SEMA3E: variants seen among roughly 807,000 people sequenced by gnomAD.
SEMA3E encodes the protein semaphorin 3E, also known as semaphorin-3E.
A neutral mutation model predicts 93.6 loss-of-function variants in SEMA3E; 49 were observed. The observed-to-expected ratio is 0.52, with a 90% CI of 0.42 to 0.66. The LOEUF (loss-of-function observed/expected upper bound fraction) is 0.66, where lower values mean the gene tolerates loss of function less well. Among genes scored for constraint, SEMA3E ranks in the 30% least tolerant of loss-of-function variants. SEMA3E has a pLI of 0.00. For missense variants in SEMA3E, 906 were observed against 964.8 expected (o/e 0.94, Z 0.81); for synonymous variants, 363 against 330.7 (o/e 1.10, Z -1.06).
chr7:83,399,512 T>C (rs957974421), intron 11 of SEMA3E, among the ~76,000 whole-genome samples: 1 of 152,176 alleles, frequency 6.6e-6, no homozygotes, highest in East Asian at 1.9e-4. Context: ...AGTTCCAAGT[T>C]GTTCACAAAA....
At chr7:83,556,287 C>T (rs971197127) in intron 1 of SEMA3E, among the ~76,000 whole-genome samples, 11 of 152,106 alleles carry the variant, frequency 7.2e-5, no homozygotes, top group African/African-American at 2.2e-4. Flanking sequence ...AGGTTGCCAA[C>T]GACTTTGCAT....
chr7:83,433,881 TGATAA>T (rs1211023896), intron 4 of SEMA3E, among the ~76,000 whole-genome samples: 1 of 152,116 alleles, frequency 6.6e-6, no homozygotes, highest in Admixed American at 6.5e-5. Context: ...CACCTTTCAC[TGATAA>T]AATATACGAT....
intron 5 of SEMA3E, among the ~76,000 whole-genome samples, chr7:83,411,706 T>C (rs1788442141): frequency 6.6e-6 from 1 of 152,134 alleles, no homozygotes; most frequent in Admixed American, 6.5e-5. Flanking sequence ...TATAACTATT[T>C]GGTATCAGAA....
intron 4 of SEMA3E, among the ~76,000 whole-genome samples, chr7:83,458,931 GTA>G (rs1243050560): frequency 3.0e-5 from 4 of 133,456 alleles, no homozygotes; most frequent in African/African-American, 1.1e-4. Context: ...ATGTATATAT[GTA>G]TATATATACA....
Position 83,423,731 on chromosome 7 carries a change from C to A in SEMA3E, c.457-5248G>T, listed in dbSNP as rs919664338. On this transcript the variant is annotated intron_variant, in intron 4 of 16. Coordinates refer to ENST00000643230, the MANE Select transcript of SEMA3E (RefSeq NM_012431.3). Reference sequence around the variant, plus strand: ...TTTCACCATGTTAGCCAGGATGGTCCCGATCTCCTGACCTCGTGATCCCCC... The same window carrying A: ...TTTCACCATGTTAGCCAGGATGGTCACGATCTCCTGACCTCGTGATCCCCC... 2.6e-5 allele frequency among the ~76,000 whole-genome samples: 4 copies of A among 151,324 alleles called. No individual in the cohort carries two copies. The East Asian group carries it at 7.8e-4, about 30-fold the overall frequency.
In SEMA3E at chr7:83,594,954, GA is replaced by G. The variant is rs375713003; in HGVS notation, c.115+53473del. ...GCTGAGTTTTCCAGAGAACTTCTGG[GA>G]AAAAAAAAAAAAAGCTCCCTGTTTT... On this transcript the variant is annotated intron_variant, in intron 1 of 16. Coordinates refer to ENST00000643230, the MANE Select transcript of SEMA3E (RefSeq NM_012431.3). Among the ~76,000 whole-genome samples the G allele has an allele frequency of 3.8e-3, 525 of 138,778 alleles. 2 individuals are homozygous for G. Among genetic ancestry groups the G allele is most frequent in the East Asian group, 9.5e-3 (44 of 4,632 alleles). The allele number at this position is 138,778 out of a possible 152,430, so 91.0% of individuals were successfully genotyped here.
chr7:83,526,911 T>C (rs373750343), intron 1 of SEMA3E, among the ~76,000 whole-genome samples: 116 of 152,262 alleles, frequency 7.6e-4, no homozygotes, highest in Middle Eastern at 6.8e-3. Context: ...CATGTCCCTG[T>C]TGGAGGTTAA....
At chr7:83,462,644 C>T (rs571932334) in intron 4 of SEMA3E, among the ~76,000 whole-genome samples, 2 of 151,900 alleles carry the variant, frequency 1.3e-5, no homozygotes, top group Non-Finnish European at 2.9e-5. Context: ...CCCCACTCAA[C>T]GCCAATATCC....
intron 1 of SEMA3E, among the ~76,000 whole-genome samples, chr7:83,643,785 T>C (rs1485863014): frequency 2.0e-5 from 3 of 151,978 alleles, no homozygotes; most frequent in African/African-American, 7.2e-5. Context: ...TCTTAATAAA[T>C]CCACCACTTA....
At chr7:83,462,872 A>G (rs1166520322) in intron 4 of SEMA3E, among the ~76,000 whole-genome samples, 2 of 130,900 alleles carry the variant, frequency 1.5e-5, no homozygotes, top group African/African-American at 5.4e-5. Flanking sequence ...CCTATCCTCA[A>G]TACCTGCCTC....
chr7:83,447,519 CAG>C (rs1278863961), intron 4 of SEMA3E, among the ~76,000 whole-genome samples: 1 of 152,192 alleles, frequency 6.6e-6, no homozygotes, highest in South Asian at 2.1e-4. Context: ...GCCTGTGTGA[CAG>C]AGTGAGACTC....
chr7:83,386,373 A>G (rs1388559293), intron 15 of SEMA3E, among the ~76,000 whole-genome samples: 2 of 152,088 alleles, frequency 1.3e-5, no homozygotes, highest in Non-Finnish European at 2.9e-5. Context: ...CCTATTCAAC[A>G]GTCACTACCA....
chr7:83,481,102 C>T (rs1351506068), intron 2 of SEMA3E, among the ~76,000 whole-genome samples: 1 of 151,996 alleles, frequency 6.6e-6, no homozygotes, highest in African/African-American at 2.4e-5. Context: ...GAGCCCCATC[C>T]CAATTTAGAG....
intron 1 of SEMA3E, among the ~76,000 whole-genome samples, chr7:83,507,134 A>G (rs1790719403): frequency 1.3e-5 from 2 of 152,178 alleles, no homozygotes; most frequent in African/African-American, 4.8e-5. Flanking sequence ...AACAGATGCT[A>G]GTGCCCAGGT....
At position 83,363,994 on chromosome 7, in the gene SEMA3E, A is replaced by G. The variant is rs1236815086; in HGVS notation, c.*3592T>C. 2 of 143,624 alleles carry G rather than the reference A, an allele frequency of 1.4e-5. No individual in the cohort carries two copies. Among genetic ancestry groups the G allele is most frequent in the South Asian group, 2.3e-4 (1 of 4,354 alleles). 8.9% of individuals were successfully genotyped at this position (143,624 alleles called of 1,614,324 possible). A position where few individuals can be genotyped will look rare whatever the true frequency, so the allele number is the denominator to read the frequency against. On this transcript the variant is annotated 3_prime_UTR_variant, in exon 17 of 17. Coordinates refer to ENST00000643230, the MANE Select transcript of SEMA3E (RefSeq NM_012431.3). ...ACTGCAAGCTCCGCTTCCCGGGTTCACGCCATTCTCCTGCCTCAGCCTCCC... is the reference window on the plus strand; with the variant it reads ...ACTGCAAGCTCCGCTTCCCGGGTTCGCGCCATTCTCCTGCCTCAGCCTCCC...
At chr7:83,571,019 T>A (rs1426649124) in intron 1 of SEMA3E, among the ~76,000 whole-genome samples, 1 of 145,690 alleles carries the variant, frequency 6.9e-6, no homozygotes, top group African/African-American at 2.5e-5. Context: ...AAGAAGAAAG[T>A]GGAAACCTGA....
At chr7:83,477,663 C>A (rs1450124252) in intron 2 of SEMA3E, among the ~76,000 whole-genome samples, 1 of 152,004 alleles carries the variant, frequency 6.6e-6, no homozygotes, top group African/African-American at 2.4e-5. Flanking sequence ...ACATTTGTAG[C>A]CTGATGCATG....
At chr7:83,411,012 C>A (rs1788429501) in intron 5 of SEMA3E, among the ~76,000 whole-genome samples, 2 of 151,864 alleles carry the variant, frequency 1.3e-5, no homozygotes, top group African/African-American at 4.8e-5. Context: ...GATTTTATAT[C>A]TTAAAGTATT....
At position 83,487,555 on chromosome 7, in the gene SEMA3E, G is replaced by GAGAGAGAGAAGAAAA. The variant is rs905563191; in HGVS notation, c.276+2544_276+2558dup. Among the ~76,000 whole-genome samples the GAGAGAGAGAAGAAAA allele has an allele frequency of 7.2e-5, 11 of 152,076 alleles. No homozygotes were observed. In the South Asian group the frequency reaches 1.9e-3, roughly 26 times the overall value. On this transcript the variant is annotated intron_variant, in intron 2 of 16. Coordinates refer to ENST00000643230, the MANE Select transcript of SEMA3E (RefSeq NM_012431.3). ...GAGTAAGTAGATGGTATCAGAGAGAGAGAGAGAGAAGAAAAAGAGAGAGAA... is the reference window on the plus strand; with the variant it reads ...GAGTAAGTAGATGGTATCAGAGAGAGAGAGAGAGAAGAAAAAGAGAGAGAAGAAAAAGAGAGAGAA...
Sources: allele counts gnomAD v4.1 joint callset (sites outside exome capture counted in the v4.1 genomes callset), GRCh38; gene constraint gnomAD v4.1.1; transcripts MANE v1.5; gene names NCBI Gene and HGNC (gene_info 2026-07-23, HGNC 2026-07-21).